SSH2: variants seen among roughly 807,000 people sequenced by gnomAD.
The protein encoded by SSH2 is slingshot protein phosphatase 2.
Under a neutral mutation model 135.2 loss-of-function variants are expected in SSH2, and 37 were observed. The ratio of observed to expected loss-of-function variants is 0.27; its 90% CI spans 0.21 to 0.36. The LOEUF (loss-of-function observed/expected upper bound fraction) is 0.36. Among genes scored for constraint, SSH2 ranks in the 10% least tolerant of loss-of-function variants. The pLI, the probability that SSH2 is intolerant of heterozygous loss-of-function variation, is 1.00. For missense variants in SSH2, 1,408 were observed against 1,765.3 expected (o/e 0.80, Z 3.63); for synonymous variants, 628 against 646.2 (o/e 0.97, Z 0.43).
In SSH2 at chr17:29,626,485, C is replaced by A. The variant is rs537613536; in HGVS notation, c.*4356G>T. 1 of 152,692 alleles carries A rather than the reference C, an allele frequency of 6.5e-6. No homozygotes were observed. The highest frequency in any genetic ancestry group is 1.5e-5 in the Non-Finnish European group (1 of 68,038). 9.5% of individuals were successfully genotyped at this position (152,692 alleles called of 1,614,324 possible). On this transcript the variant is annotated 3_prime_UTR_variant, in exon 16 of 16. Transcript: ENST00000540801. Reference sequence around the variant, plus strand: ...ACCAGCATTGCTTTGAGGACACAGACGGCAGCACCAGTCAAATGCCTCTTA... The same window carrying A: ...ACCAGCATTGCTTTGAGGACACAGAAGGCAGCACCAGTCAAATGCCTCTTA...
intron 3 of SSH2, chr17:29,776,295 C>T (rs759964701): frequency 6.6e-6 from 1 of 152,088 alleles, no homozygotes; most frequent in Non-Finnish European, 1.5e-5. Context: ...TCCTTCAGGA[C>T]GTGAGAAAAA....
At chr17:29,730,783 T>G (rs899129156) in intron 3 of SSH2, among the ~76,000 whole-genome samples, 1 of 152,168 alleles carries the variant, frequency 6.6e-6, no homozygotes, top group Non-Finnish European at 1.5e-5. Context: ...AAATATCTCT[T>G]GTACCCCATA....
At chr17:29,733,623 A>T (rs1251371664) in intron 3 of SSH2, among the ~76,000 whole-genome samples, 1 of 152,184 alleles carries the variant, frequency 6.6e-6, no homozygotes, top group Non-Finnish European at 1.5e-5. Flanking sequence ...TCATATTTAA[A>T]CAATAGTTAC....
rs59297985 is a variant in SSH2, at chr17:29,849,856, G to GTATA, written c.64-931_64-928dup. Among the ~76,000 whole-genome samples, 786 of 118,092 alleles carry GTATA rather than the reference G, an allele frequency of 6.7e-3. 4 individuals carry two copies. The highest frequency in any genetic ancestry group is 0.029 in the East Asian group (118 of 4,082). The allele number at this position is 118,092 out of a possible 152,430, so 77.5% of individuals were successfully genotyped here. ...CTGTACTACAAAAAAAAAAAAAAAA[G>GTATA]TATATATATATATATATATATATAT... On this transcript the variant is annotated intron_variant, in intron 1 of 15. Transcript: ENST00000540801.
At chr17:29,724,542 A>AAAAAC (rs1300607792) in intron 3 of SSH2, among the ~76,000 whole-genome samples, 1 of 149,464 alleles carries the variant, frequency 6.7e-6, no homozygotes, top group Non-Finnish European at 1.5e-5. Flanking sequence ...AAAAAAAAAA[A>AAAAAC]AAAACAAAAC....
chr17:29,738,543 CTTTT>C (rs1421429039), intron 3 of SSH2, among the ~76,000 whole-genome samples: 3 of 149,334 alleles, frequency 2.0e-5, no homozygotes, highest in African/African-American at 4.9e-5. Flanking sequence ...CTTTTTTTTT[CTTTT>C]TTATTTTATT....
intron 1 of SSH2, among the ~76,000 whole-genome samples, chr17:29,891,675 A>T (rs1425616284): frequency 6.6e-6 from 1 of 152,204 alleles, no homozygotes; most frequent in African/African-American, 2.4e-5. Flanking sequence ...CAGACTTCTC[A>T]TTTGACCAAA....
chr17:29,824,111 G>A (rs2042702702), intron 2 of SSH2, among the ~76,000 whole-genome samples: 1 of 152,114 alleles, frequency 6.6e-6, no homozygotes, highest in Non-Finnish European at 1.5e-5. Flanking sequence ...CTTCTTTCAT[G>A]ACTGAGGAAC....
chr17:29,877,768 C>CA lies in SSH2; in HGVS notation c.64-28840dup, dbSNP rs200656149. 8.0e-3 allele frequency among the ~76,000 whole-genome samples: 1,153 copies of CA among 143,338 alleles called. 9 individuals are homozygous for CA. Among genetic ancestry groups the CA allele is most frequent in the African/African-American group, 0.019 (732 of 38,576 alleles). The allele number at this position is 143,338 out of a possible 152,430, so 94.0% of individuals were successfully genotyped here. A position where few individuals can be genotyped will look rare whatever the true frequency, so the allele number is the denominator to read the frequency against. The stretch of plus-strand genomic sequence containing the variant: ...GGAGGTAGGGATGGTTAATGGGTAC[C>CA]AAAAAAAAAAAAAATAGAATGAATA... On this transcript the variant is annotated intron_variant, in intron 1 of 15. Coordinates refer to ENST00000540801, the MANE Select transcript of SSH2 (RefSeq NM_001282129.2).
At chr17:29,657,198 C>T (rs1260266363) in intron 11 of SSH2, among the ~76,000 whole-genome samples, 1 of 151,980 alleles carries the variant, frequency 6.6e-6, no homozygotes, top group African/African-American at 2.4e-5. Flanking sequence ...AACTCCTGAC[C>T]TCAAGTGATC....
chr17:29,835,327 C>CA (rs927808168), intron 2 of SSH2, among the ~76,000 whole-genome samples: 4 of 152,050 alleles, frequency 2.6e-5, no homozygotes, highest in Non-Finnish European at 4.4e-5. Context: ...AAAACAACAA[C>CA]AAAAAAAACT....
intron 14 of SSH2, among the ~76,000 whole-genome samples, chr17:29,641,058 C>T (rs1475566636): frequency 2.6e-5 from 4 of 152,076 alleles, no homozygotes; most frequent in African/African-American, 7.2e-5. Flanking sequence ...TATAGGCATG[C>T]GCCACCATGC....
chr17:29,647,845 T>G (rs559651593), intron 14 of SSH2: 1 of 307,748 alleles, frequency 3.2e-6, no homozygotes, highest in East Asian at 8.3e-5. Flanking sequence ...GTATTTTAAG[T>G]AGAGACGGGG....
intron 14 of SSH2, among the ~76,000 whole-genome samples, chr17:29,647,217 G>A (rs1245233806): frequency 1.3e-5 from 2 of 150,922 alleles, no homozygotes; most frequent in Non-Finnish European, 2.9e-5. Flanking sequence ...AGCCGAGATC[G>A]CGCCACTGCA....
intron 1 of SSH2, among the ~76,000 whole-genome samples, chr17:29,906,815 A>C (rs577598420): frequency 2.0e-5 from 3 of 152,360 alleles, no homozygotes; most frequent in Non-Finnish European, 4.4e-5. Flanking sequence ...CCACAATGAG[A>C]AACTATCTCA....
At chr17:29,882,511 G>C (rs1003460396) in intron 1 of SSH2, among the ~76,000 whole-genome samples, 3 of 114,322 alleles carry the variant, frequency 2.6e-5, no homozygotes, top group Non-Finnish European at 4.1e-5. Context: ...CAGCACTTTG[G>C]GGGAGGCCTA....
chr17:29,703,085 A>G (rs1185600395), intron 3 of SSH2, 23 bp from the exon 4 acceptor site: 1 of 1,523,770 alleles, frequency 6.6e-7, no homozygotes, highest in Non-Finnish European at 9.1e-7. Flanking sequence ...AGTCAAAAGA[A>G]AATAAATTAC....
chr17:29,717,114 C>A (rs554188459), intron 3 of SSH2, among the ~76,000 whole-genome samples: 1 of 152,106 alleles, frequency 6.6e-6, no homozygotes, highest in Non-Finnish European at 1.5e-5. Flanking sequence ...GTTTGACCTT[C>A]AAAGTGCTTT....
chr17:29,889,889 T>C (rs916737415), intron 1 of SSH2, among the ~76,000 whole-genome samples: 4 of 130,564 alleles, frequency 3.1e-5, no homozygotes, highest in Admixed American at 8.1e-5. Context: ...AGCCCAGGAG[T>C]GTGAGGCTGC....
Sources: allele counts gnomAD v4.1 joint callset (sites outside exome capture counted in the v4.1 genomes callset), GRCh38; gene constraint gnomAD v4.1.1; transcripts MANE v1.5; gene names NCBI Gene and HGNC (gene_info 2026-07-23, HGNC 2026-07-21).